The following WHRN variants were observed in gnomAD, a reference collection of about 807,000 sequenced individuals.
WHRN encodes whirlin, also known as CASK-interacting protein CIP98.
Under a neutral mutation model 68.3 loss-of-function variants are expected in WHRN, and 41 were observed. The observed-to-expected ratio is 0.60, with a 90% CI of 0.47 to 0.78. The LOEUF is 0.78. Ranked by LOEUF, WHRN falls within the 30% of genes least tolerant of loss-of-function variation. The pLI is 0.00. For missense variants in WHRN, 1,243 were observed against 1,244.7 expected, an observed-to-expected ratio of 1.00 and a Z score of 0.02; for synonymous variants, 560 against 561.3, an observed-to-expected ratio of 1.00 and a Z score of 0.03.
intron 1 of WHRN, among the ~76,000 whole-genome samples, chr9:114,502,206 A>C (rs956138441): frequency 1.6e-4 from 25 of 152,282 alleles, no homozygotes; most frequent in African/African-American, 5.5e-4. Context: ...CCCTGGGGCA[A>C]GAGCTCATTT....
At chr9:114,409,791 C>T (rs890323310) in intron 7 of WHRN, among the ~76,000 whole-genome samples, 7 of 151,890 alleles carry the variant, frequency 4.6e-5, no homozygotes, top group Non-Finnish European at 1.0e-4. Flanking sequence ...GGTGTACCCT[C>T]ACCACCTCAG....
intron 1 of WHRN, among the ~76,000 whole-genome samples, chr9:114,493,356 TAAA>T (rs36083160): frequency 1.2e-5 from 1 of 84,302 alleles, no homozygotes; most frequent in Non-Finnish European, 2.2e-5. Flanking sequence ...ATCTTTTTTT[TAAA>T]AAAAAAAAAA....
chr9:114,415,708 C>T (rs1157744296), intron 7 of WHRN, among the ~76,000 whole-genome samples: 1 of 152,188 alleles, frequency 6.6e-6, no homozygotes, highest in Non-Finnish European at 1.5e-5. Flanking sequence ...AGGCTCAGCC[C>T]CTGGCAGGCA....
At chr9:114,442,746 A>G (rs972601654) in intron 3 of WHRN, among the ~76,000 whole-genome samples, 10 of 152,252 alleles carry the variant, frequency 6.6e-5, no homozygotes, top group Admixed American at 2.6e-4. Flanking sequence ...GCCTTCTGCC[A>G]TAAGTGGAAG....
At chr9:114,420,019 C>G (rs1329919053) in intron 7 of WHRN, among the ~76,000 whole-genome samples, 1 of 152,130 alleles carries the variant, frequency 6.6e-6, no homozygotes, top group Non-Finnish European at 1.5e-5. Context: ...CAGTCCCCAC[C>G]GGCAGGAAGG....
Position 114,462,433 on chromosome 9 carries a change from C to T in WHRN, c.963+3834G>A, listed in dbSNP as rs918014161. ...TAGCCCAAGTGTCCAAGCAGGGAGA[C>T]TGAGGCCCAGGGAGAGGAAGGACAT... is the stretch of plus-strand genomic sequence containing the variant. On this transcript the variant is annotated intron_variant, in intron 3 of 11. Coordinates refer to ENST00000362057, the MANE Select transcript of WHRN (RefSeq NM_015404.4). 2.6e-5 allele frequency among the ~76,000 whole-genome samples: 4 copies of T among 152,286 alleles called. No individual in the cohort carries two copies. In the South Asian group the frequency reaches 8.3e-4, roughly 32 times the overall value.
At chr9:114,421,281 G>C (rs1836258649) in intron 7 of WHRN, among the ~76,000 whole-genome samples, 1 of 152,236 alleles carries the variant, frequency 6.6e-6, no homozygotes, top group Admixed American at 6.5e-5. Flanking sequence ...CTCAGGTAGG[G>C]GAGAGCCCCC....
At chr9:114,498,783 G>T (rs1018790557) in intron 1 of WHRN, among the ~76,000 whole-genome samples, 4 of 152,122 alleles carry the variant, frequency 2.6e-5, no homozygotes, top group African/African-American at 9.7e-5. Context: ...AGGCCACTTG[G>T]TTCCTAATCC....
chr9:114,503,081 A>G, intron 1 of WHRN: 1 of 968,926 alleles, frequency 1.0e-6, no homozygotes, highest in Non-Finnish European at 1.2e-6. Context: ...TCAGGTGCAC[A>G]GCCAGGGAGA....
intron 1 of WHRN, among the ~76,000 whole-genome samples, chr9:114,481,665 G>A (rs1035543677): frequency 3.9e-5 from 6 of 152,172 alleles, no homozygotes; most frequent in South Asian, 2.1e-4. Flanking sequence ...TGTTCCGCCC[G>A]GCCTGCCTCC....
chr9:114,465,646 G>T (rs893751529), intron 3 of WHRN, among the ~76,000 whole-genome samples: 4 of 152,200 alleles, frequency 2.6e-5, no homozygotes, highest in African/African-American at 9.7e-5. Flanking sequence ...ACCCTGCAGC[G>T]TGCTAAGTGA....
intron 7 of WHRN, among the ~76,000 whole-genome samples, chr9:114,419,069 C>T (rs1054525581): frequency 1.3e-5 from 2 of 152,080 alleles, no homozygotes; most frequent in East Asian, 1.9e-4. Flanking sequence ...CGAAATGATG[C>T]TTAACAGGGA....
intron 1 of WHRN, among the ~76,000 whole-genome samples, chr9:114,482,753 A>T (rs1209921932): frequency 6.6e-6 from 1 of 152,206 alleles, no homozygotes; most frequent in Admixed American, 6.5e-5. Flanking sequence ...TATCACCAGC[A>T]ACAGTAGAAT....
At chr9:114,471,937 G>A (rs1404515097) in intron 2 of WHRN, among the ~76,000 whole-genome samples, 2 of 152,216 alleles carry the variant, frequency 1.3e-5, no homozygotes, top group Non-Finnish European at 2.9e-5. Context: ...TCTTGCAGCT[G>A]TGAAGCAATG....
At chr9:114,409,220 C>T (rs999311978) in intron 7 of WHRN, among the ~76,000 whole-genome samples, 1 of 147,684 alleles carries the variant, frequency 6.8e-6, no homozygotes, top group Non-Finnish European at 1.5e-5. Context: ...AAGCTCCAGG[C>T]TGATAAGGGG....
intron 7 of WHRN, 118 bp downstream of exon 7, chr9:114,423,196 A>T: frequency 1.9e-6 from 2 of 1,070,646 alleles, no homozygotes; most frequent in Non-Finnish European, 2.9e-6. Context: ...CAGAGAGGCA[A>T]GGCACACAGC....
chr9:114,418,352 G>T (rs575470070), intron 7 of WHRN, among the ~76,000 whole-genome samples: 6 of 152,318 alleles, frequency 3.9e-5, no homozygotes, highest in Middle Eastern at 3.4e-3. Context: ...GCCACAGGAG[G>T]AGCTGGTGCC....
chr9:114,440,605 C>T (rs190953411), intron 3 of WHRN, among the ~76,000 whole-genome samples: 3 of 152,276 alleles, frequency 2.0e-5, no homozygotes, highest in Admixed American at 2.0e-4. Flanking sequence ...TGGCACCATT[C>T]ACAGTCAAGA....
At chr9:114,424,188 G>T in intron 6 of WHRN, 146 bp downstream of exon 6, 1 of 915,854 alleles carries the variant, frequency 1.1e-6, no homozygotes, top group Non-Finnish European at 1.8e-6. Flanking sequence ...CATCCTGGGG[G>T]CAGGAGGCTG....
Sources: allele counts gnomAD v4.1 joint callset (sites outside exome capture counted in the v4.1 genomes callset), GRCh38; gene constraint gnomAD v4.1.1; transcripts MANE v1.5; gene names NCBI Gene and HGNC (gene_info 2026-07-23, HGNC 2026-07-21).